Variants in SLC25A44 observed in about 807,000 individuals in gnomAD.
SLC25A44 encodes the protein solute carrier family 25 member 44.
A neutral mutation model predicts 29.9 loss-of-function variants in SLC25A44; 17 were observed. That is an observed-to-expected ratio of 0.57 (90% confidence interval 0.39 to 0.85). SLC25A44 has a LOEUF of 0.85. Among genes scored for constraint, SLC25A44 ranks in the 40% least tolerant of loss-of-function variants. SLC25A44 has a pLI of 0.00. For synonymous variants in SLC25A44, 140 were observed against 151.8 expected (o/e 0.92, Z 0.57); for missense variants, 302 against 398.4 (o/e 0.76, Z 2.06).
At chr1:156,204,482 C>T (rs2103044684) in intron 2 of SLC25A44, among the ~76,000 whole-genome samples, 1 of 152,234 alleles carries the variant, frequency 6.6e-6, no homozygotes, top group South Asian at 2.1e-4. Context: ...CCACATGCTA[C>T]AGTTGGTTTT....
Position 156,210,530 on chromosome 1 carries a change from C to T in SLC25A44, c.*99C>T. Reference sequence around the variant, plus strand: ...CTCTCCAGGTGCTCCCACCACACACCCAGCCCTGCCCTGGGCCAAGTGGCC... The same window carrying T: ...CTCTCCAGGTGCTCCCACCACACACTCAGCCCTGCCCTGGGCCAAGTGGCC... On this transcript the variant is annotated 3_prime_UTR_variant, in exon 4 of 4. Coordinates refer to ENST00000359511, the MANE Select transcript of SLC25A44 (RefSeq NM_014655.4). The T allele has an allele frequency of 1.2e-6, 1 of 839,684 alleles. No individual in the cohort carries two copies. Among genetic ancestry groups the T allele is most frequent in the Non-Finnish European group, 1.8e-6 (1 of 565,598 alleles). 52.0% of individuals were successfully genotyped at this position (839,684 alleles called of 1,614,324 possible).
intron 2 of SLC25A44, among the ~76,000 whole-genome samples, chr1:156,206,786 G>T (rs1177135524): frequency 1.3e-5 from 2 of 152,236 alleles, no homozygotes; most frequent in East Asian, 3.9e-4. Flanking sequence ...ACCCATCTTG[G>T]CCTCCCAAAG....
At chr1:156,197,723 C>T (rs1656305542) in intron 1 of SLC25A44, 1 of 152,178 alleles carries the variant, frequency 6.6e-6, no homozygotes, top group Admixed American at 6.6e-5. Context: ...CGCCACTGCA[C>T]TCCAGCCTGG....
chr1:156,202,726 T>C (rs1656663582), intron 2 of SLC25A44, among the ~76,000 whole-genome samples: 1 of 152,222 alleles, frequency 6.6e-6, no homozygotes, highest in South Asian at 2.1e-4. Context: ...TATTTGTGTG[T>C]GCCCTATCTC....
At position 156,212,355 on chromosome 1, in the gene SLC25A44, G is replaced by C. The variant is rs1487721068; in HGVS notation, c.*1924G>C. On this transcript the variant is annotated 3_prime_UTR_variant, in exon 4 of 4. Coordinates refer to ENST00000359511, the MANE Select transcript of SLC25A44 (RefSeq NM_014655.4). ...GACAGGAGGTAGGATCCTGCCGCTC[G>C]CGTCTTAGTGTTTCTCCCTCAAGAC... 6.6e-6 allele frequency: 1 copy of C among 152,406 alleles called. No homozygotes were observed. The highest frequency in any genetic ancestry group is 2.4e-5 in the African/African-American group (1 of 41,434). The allele number at this position is 152,406 out of a possible 1,614,324, so 9.4% of individuals were successfully genotyped here. A position where few individuals can be genotyped will look rare whatever the true frequency, so the allele number is the denominator to read the frequency against.
intron 2 of SLC25A44, 24 bp downstream of exon 2, chr1:156,200,496 G>A: frequency 6.4e-7 from 1 of 1,562,376 alleles, no homozygotes; most frequent in Admixed American, 1.8e-5. Context: ...AGGACAGTGG[G>A]GGAGGAAGGT....
At position 156,210,441 on chromosome 1, in the gene SLC25A44, G is replaced by A. The variant is rs770439183; in HGVS notation, c.*10G>A. The stretch of plus-strand genomic sequence containing the variant: ...CTCGAGACACTGGTAACCAGTGGTG[G>A]GGAGAGAAGCCTGCTGTTTTCCACA... On this transcript the variant is annotated 3_prime_UTR_variant, in exon 4 of 4. Coordinates refer to ENST00000359511, the MANE Select transcript of SLC25A44 (RefSeq NM_014655.4). The A allele has an allele frequency of 4.5e-6, 7 of 1,549,426 alleles. No individual in the cohort carries two copies. In the African/African-American group the frequency reaches 9.6e-5, roughly 21 times the overall value.
At position 156,200,343 on chromosome 1, in the gene SLC25A44, A is replaced by T. The variant is rs1293964546; in HGVS notation, c.496A>T (p.Thr166Ser). 6.2e-7 allele frequency: 1 copy of T among 1,614,154 alleles called. No individual in the cohort carries two copies. ...ACAAGGGGTAGTTGCCTTTGGCCAA[A>T]CCAAGGACATCATCAGGCAGATCCT... ...EGQGVVAFGQ[T>S]KDIIRQILQA... The change falls in exon 2 of 4, where the codon ACC becomes TCC. Residue 166 changes from threonine to serine, a missense_variant. Transcript: ENST00000359511.
chr1:156,210,493 G>A lies in SLC25A44; in HGVS notation c.*62G>A, dbSNP rs1657229659. ...TACCGTGGGTCAGGGGCAGAGTGGA[G>A]AGGACAGCACCCTCTCCAGGTGCTC... On this transcript the variant is annotated 3_prime_UTR_variant, in exon 4 of 4. Coordinates refer to ENST00000359511, the MANE Select transcript of SLC25A44 (RefSeq NM_014655.4). The A allele has an allele frequency of 3.8e-6, 5 of 1,310,770 alleles. No homozygotes were observed. In the East Asian group the frequency reaches 7.6e-5, roughly 20 times the overall value. 81.2% of individuals were successfully genotyped at this position (1,310,770 alleles called of 1,614,324 possible). A position where few individuals can be genotyped will look rare whatever the true frequency, so the allele number is the denominator to read the frequency against.
chr1:156,204,543 A>G (rs1656809663), intron 2 of SLC25A44, among the ~76,000 whole-genome samples: 1 of 151,706 alleles, frequency 6.6e-6, no homozygotes, highest in African/African-American at 2.4e-5. Flanking sequence ...CTGGAGTGCA[A>G]TGGCATGATC....
Position 156,212,788 on chromosome 1 carries a change from A to C in SLC25A44, c.*2357A>C, listed in dbSNP as rs1000611464. ...GAAATGTAATTAAAAGTTTTTATTG[A>C]GCCCCCGAGCTTTGGCTTGCGCGTA... On this transcript the variant is annotated 3_prime_UTR_variant, in exon 4 of 4. Coordinates refer to ENST00000359511, the MANE Select transcript of SLC25A44 (RefSeq NM_014655.4). The C allele has an allele frequency of 1.6e-6, 1 of 614,176 alleles. No homozygotes were observed. Among genetic ancestry groups the C allele is most frequent in the Non-Finnish European group, 2.8e-6 (1 of 358,474 alleles). The allele number at this position is 614,176 out of a possible 1,614,324, so 38.0% of individuals were successfully genotyped here.
rs1445988950 is a variant in SLC25A44, at chr1:156,198,620, T to C, written c.-13-1215T>C. 1.3e-5 allele frequency: 2 copies of C among 152,198 alleles called. No individual in the cohort carries two copies. The highest frequency in any genetic ancestry group is 3.8e-4 in the East Asian group (2 of 5,204). 9.4% of individuals were successfully genotyped at this position (152,198 alleles called of 1,614,324 possible). A position where few individuals can be genotyped will look rare whatever the true frequency, so the allele number is the denominator to read the frequency against. On this transcript the variant is annotated intron_variant, in intron 1 of 3. Transcript: ENST00000359511. This position sits in a 1 kb window ranked among gnomAD's most constrained non-coding sequence, Gnocchi z 4.1. ...CATGCCACCATGCCTGGCTAACTTA[T>C]TTTTATATATTGTAGAGACGGAGTC... is the stretch of plus-strand genomic sequence containing the variant.
intron 2 of SLC25A44, among the ~76,000 whole-genome samples, chr1:156,203,828 C>T (rs1656744950): frequency 6.6e-6 from 1 of 151,454 alleles, no homozygotes; most frequent in South Asian, 2.1e-4. Context: ...CTCAGCCTCC[C>T]GAGTAGCTGG....
intron 2 of SLC25A44, among the ~76,000 whole-genome samples, chr1:156,201,977 C>T (rs1656612005): frequency 6.6e-6 from 1 of 152,204 alleles, no homozygotes; most frequent in Non-Finnish European, 1.5e-5. Context: ...AGGACTTCTC[C>T]ATCTACATGC....
chr1:156,207,833 G>A (rs1396708462), intron 2 of SLC25A44, 53 bp from the exon 3 acceptor site: 3 of 1,606,008 alleles, frequency 1.9e-6, no homozygotes, highest in East Asian at 4.5e-5. Context: ...GCACAGTGAG[G>A]GCAGACCGGT....
At chr1:156,204,728 T>C (rs979841499) in intron 2 of SLC25A44, among the ~76,000 whole-genome samples, 1 of 152,118 alleles carries the variant, frequency 6.6e-6, no homozygotes, top group African/African-American at 2.4e-5. Flanking sequence ...CCTCAGGTGA[T>C]CCACCTGCCT....
At position 156,212,702 on chromosome 1, in the gene SLC25A44, T is replaced by G. The variant is rs1657417279; in HGVS notation, c.*2271T>G. ...AAAGGCAGACTCTCTGAACGTTTGA[T>G]GAAATGGACTCTTGTGAAAATTAAC... On this transcript the variant is annotated 3_prime_UTR_variant, in exon 4 of 4. Coordinates refer to ENST00000359511, the MANE Select transcript of SLC25A44 (RefSeq NM_014655.4). 4.0e-6 allele frequency: 1 copy of G among 252,204 alleles called. No individual in the cohort carries two copies. The highest frequency in any genetic ancestry group is 7.8e-6 in the Non-Finnish European group (1 of 127,444). 15.6% of individuals were successfully genotyped at this position (252,204 alleles called of 1,614,324 possible). A position where few individuals can be genotyped will look rare whatever the true frequency, so the allele number is the denominator to read the frequency against.
In SLC25A44 at chr1:156,210,297, C is replaced by T; in HGVS notation, c.811C>T (p.Pro271Ser). ...TFRQLMAEEGPWGLMKGLSAR... is the reference protein window; with the variant it reads ...TFRQLMAEEGSWGLMKGLSAR... Reference sequence around the variant, plus strand: ...CAGACAGCTGATGGCAGAAGAAGGGCCTTGGGGCCTCATGAAGGGCCTCTC... The same window carrying T: ...CAGACAGCTGATGGCAGAAGAAGGGTCTTGGGGCCTCATGAAGGGCCTCTC... The change falls in exon 4 of 4, where the codon CCT (proline) becomes TCT (serine). Residue 271 changes from proline to serine, a missense_variant. By Grantham distance (74) the Pro-to-Ser change is moderately conservative. Coordinates refer to ENST00000359511, the MANE Select transcript of SLC25A44 (RefSeq NM_014655.4). 1.2e-6 allele frequency: 2 copies of T among 1,605,238 alleles called. No individual in the cohort carries two copies. Among genetic ancestry groups the T allele is most frequent in the Non-Finnish European group, 1.7e-6 (2 of 1,176,028 alleles).
At chr1:156,209,312 C>T (rs1219538016) in intron 3 of SLC25A44, among the ~76,000 whole-genome samples, 1 of 152,060 alleles carries the variant, frequency 6.6e-6, no homozygotes, top group Non-Finnish European at 1.5e-5. Flanking sequence ...GTGAAAAAGT[C>T]CTTGACATGG....
Sources: gnomAD v4.1 joint callset for allele counts (sites outside exome capture counted in the v4.1 genomes callset) on GRCh38, gnomAD v4.1.1 for gene constraint, Gnocchi (gnomAD v3.1) non-coding constraint, MANE v1.5 for transcripts, NCBI Gene and HGNC (gene_info 2026-07-23, HGNC 2026-07-21) for gene names.